Variants in METTL9 observed in about 807,000 individuals in gnomAD.
METTL9 encodes protein-L-histidine N-pros-methyltransferase.
METTL9 carries 10 observed loss-of-function variants against 36.0 expected under a neutral mutation model. The ratio of observed to expected loss-of-function variants is 0.28; its 90% CI spans 0.17 to 0.47. The LOEUF (loss-of-function observed/expected upper bound fraction) is 0.47, where lower values mean the gene tolerates loss of function less well. Ranked by LOEUF, METTL9 falls within the 20% of genes least tolerant of loss-of-function variation. The pLI is 0.99. For synonymous variants in METTL9, 175 were observed against 149.7 expected, an observed-to-expected ratio of 1.17 and a Z score of -1.23; for missense variants, 246 against 383.5, an observed-to-expected ratio of 0.64 and a Z score of 3.00.
chr16:21,628,806 C>G (rs1472438799), intron 4 of METTL9, among the ~76,000 whole-genome samples: 1 of 151,440 alleles, frequency 6.6e-6, no homozygotes, highest in Non-Finnish European at 1.5e-5. Flanking sequence ...TTGTTTCTAA[C>G]TTTAATGAAA....
chr16:21,620,696 T>G (rs1965672144), intron 3 of METTL9, among the ~76,000 whole-genome samples: 2 of 152,220 alleles, frequency 1.3e-5, no homozygotes, highest in African/African-American at 4.8e-5. Flanking sequence ...CAGTTTGACC[T>G]GCATGGGAAA....
chr16:21,653,189 A>G (rs1269252550), intron 4 of METTL9: 1 of 151,992 alleles, frequency 6.6e-6, no homozygotes, highest in Non-Finnish European at 1.5e-5. Flanking sequence ...GCAAGATTGC[A>G]GGTCATTGCA....
intron 2 of METTL9, among the ~76,000 whole-genome samples, chr16:21,617,484 T>C (rs1446445948): frequency 6.6e-6 from 1 of 151,638 alleles, no homozygotes; most frequent in African/African-American, 2.4e-5. Flanking sequence ...TCCCAGCACT[T>C]TGGGAGGCCG....
intron 2 of METTL9, among the ~76,000 whole-genome samples, chr16:21,615,702 T>A (rs1965538451): frequency 6.6e-6 from 1 of 152,152 alleles, no homozygotes; most frequent in Non-Finnish European, 1.5e-5. Flanking sequence ...GTGACTTACT[T>A]TTGGTCCTGT....
At chr16:21,597,821 T>C (rs1356730480), upstream of METTL9, among the ~76,000 whole-genome samples, 15 of 152,138 alleles carry the variant, frequency 9.9e-5, no homozygotes, top group Admixed American at 9.8e-4. Context: ...GCTACCATAG[T>C]TCCTTTTTGA....
chr16:21,621,988 G>T (rs988666192), intron 3 of METTL9, among the ~76,000 whole-genome samples: 1 of 151,174 alleles, frequency 6.6e-6, no homozygotes, highest in East Asian at 1.9e-4. Context: ...GACTACAGGC[G>T]CATGCTGCCA....
At chr16:21,650,233 A>G (rs1293676687) in intron 4 of METTL9, among the ~76,000 whole-genome samples, 2 of 152,160 alleles carry the variant, frequency 1.3e-5, no homozygotes, top group Non-Finnish European at 2.9e-5. Flanking sequence ...GAGGCTGGGC[A>G]TGGTGGCTCA....
At chr16:21,633,641 C>G (rs1374958140) in intron 4 of METTL9, among the ~76,000 whole-genome samples, 1 of 152,050 alleles carries the variant, frequency 6.6e-6, no homozygotes. Flanking sequence ...TTGGGTACAA[C>G]TGGATATAGA....
chr16:21,652,501 A>G (rs1429955601), intron 4 of METTL9: 1 of 1,561,886 alleles, frequency 6.4e-7, no homozygotes, highest in Non-Finnish European at 8.8e-7. Context: ...GATTTAAATA[A>G]AATGAAGGAG....
At chr16:21,636,300 A>G (rs1170269607) in intron 4 of METTL9, among the ~76,000 whole-genome samples, 5 of 152,178 alleles carry the variant, frequency 3.3e-5, no homozygotes, top group African/African-American at 4.8e-5. Flanking sequence ...AGTTCCCCCT[A>G]TGACGGGGCT....
chr16:21,651,467 ATTTT>A (rs748354488), intron 4 of METTL9, among the ~76,000 whole-genome samples: 10 of 149,938 alleles, frequency 6.7e-5, no homozygotes, highest in Non-Finnish European at 1.2e-4. Context: ...ACGCCCAGCT[ATTTT>A]TTTTTCTTGT....
At chr16:21,610,108 C>T (rs1965392011) in intron 1 of METTL9, among the ~76,000 whole-genome samples, 1 of 152,128 alleles carries the variant, frequency 6.6e-6, no homozygotes, top group Non-Finnish European at 1.5e-5. Flanking sequence ...TTTCATCACC[C>T]CAAAAAGAAA....
At chr16:21,600,017 C>A (rs958037034) in intron 1 of METTL9, 119 bp downstream of exon 1, 7 of 920,370 alleles carry the variant, frequency 7.6e-6, no homozygotes, top group East Asian at 4.2e-5. Flanking sequence ...CCCTCCGCCT[C>A]GGCCCCTTGG....
upstream of METTL9, chr16:21,599,463 G>A (rs1176993859): frequency 8.6e-7 from 1 of 1,165,704 alleles, no homozygotes; most frequent in South Asian, 3.4e-5. This position sits in a 1 kb window ranked among gnomAD's most constrained non-coding sequence, Gnocchi z 4.4. Context: ...GGCGCCGGGG[G>A]AGAAAGCGAC....
intron 4 of METTL9, among the ~76,000 whole-genome samples, chr16:21,648,017 C>T (rs1966474746): frequency 6.6e-6 from 1 of 152,206 alleles, no homozygotes; most frequent in Non-Finnish European, 1.5e-5. Flanking sequence ...CATGGCCATT[C>T]ACAATTGTTT....
At chr16:21,616,875 A>G (rs575238587) in intron 2 of METTL9, among the ~76,000 whole-genome samples, 1 of 151,918 alleles carries the variant, frequency 6.6e-6, no homozygotes, top group African/African-American at 2.4e-5. Context: ...TTAGCTTGTC[A>G]TCTTTTTCAA....
intron 4 of METTL9, among the ~76,000 whole-genome samples, chr16:21,651,343 G>A (rs549686231): frequency 6.6e-6 from 1 of 152,214 alleles, no homozygotes; most frequent in South Asian, 2.1e-4. Flanking sequence ...TGCCCAGGCT[G>A]GAGTGCAGTG....
intron 1 of METTL9, among the ~76,000 whole-genome samples, chr16:21,607,493 A>G (rs528242401): frequency 6.6e-6 from 1 of 152,304 alleles, no homozygotes; most frequent in East Asian, 1.9e-4. Flanking sequence ...CTGGCCAATT[A>G]TTAGTATCTT....
chr16:21,604,250 C>T (rs1965215214), intron 1 of METTL9, among the ~76,000 whole-genome samples: 1 of 152,112 alleles, frequency 6.6e-6, no homozygotes, highest in Non-Finnish European at 1.5e-5. Context: ...GTGTTGAAAC[C>T]CCAAGTGTTT....
Sources: gnomAD v4.1 joint callset for allele counts (sites outside exome capture counted in the v4.1 genomes callset) on GRCh38, gnomAD v4.1.1 for gene constraint, Gnocchi (gnomAD v3.1) non-coding constraint, MANE v1.5 for transcripts, NCBI Gene and HGNC (gene_info 2026-07-23, HGNC 2026-07-21) for gene names.